CCN4: variants seen among roughly 807,000 people sequenced by gnomAD.
CCN4 encodes the protein cellular communication network factor 4.
In CCN4, 30 loss-of-function variants were observed where a neutral mutation model predicts 36.7. The ratio of observed to expected loss-of-function variants is 0.82; its 90% CI spans 0.61 to 1.11. The LOEUF is 1.11. Among genes scored for constraint, CCN4 ranks in the 50% least tolerant of loss-of-function variants. CCN4 has a pLI of 0.00. For missense variants in CCN4, 505 were observed against 504.9 expected, an observed-to-expected ratio of 1.00 and a Z score of 0.00; for synonymous variants, 191 against 195.4, an observed-to-expected ratio of 0.98 and a Z score of 0.19.
intron 1 of CCN4, among the ~76,000 whole-genome samples, chr8:133,201,139 A>G (rs888611592): frequency 6.6e-6 from 1 of 152,182 alleles, no homozygotes; most frequent in Non-Finnish European, 1.5e-5. Context: ...GGATGCTTTG[A>G]GTCCCAGGGC....
intron 2 of CCN4, among the ~76,000 whole-genome samples, chr8:133,213,852 T>C (rs1854165064): frequency 7.0e-6 from 1 of 143,408 alleles, no homozygotes; most frequent in Non-Finnish European, 1.5e-5. Flanking sequence ...ATATACACTA[T>C]ATATAGTAGT....
intron 2 of CCN4, among the ~76,000 whole-genome samples, chr8:133,215,292 G>T (rs1333761349): frequency 6.6e-6 from 1 of 152,184 alleles, no homozygotes; most frequent in Non-Finnish European, 1.5e-5. Flanking sequence ...TAAAGTTCAA[G>T]AATTGCTGCT....
In CCN4 at chr8:133,227,568, C is replaced by A. The variant is rs752050881; in HGVS notation, c.962C>A (p.Ser321Tyr). Residue 321 changes from serine to tyrosine, a missense_variant, in exon 5 of 5, where the codon TCC becomes TAC. Transcript: ENST00000250160. Reference protein sequence around the residue: ...IPYKSKTIDVSFQCPDGLGFS... With the variant: ...IPYKSKTIDVYFQCPDGLGFS... ...TACAAGTCTAAGACTATCGACGTGT[C>A]CTTCCAGTGTCCTGATGGGCTTGGC... 1 of 1,614,210 alleles carries A rather than the reference C, an allele frequency of 6.2e-7. No homozygotes were observed. The highest frequency in any genetic ancestry group is 1.1e-5 in the South Asian group (1 of 91,080).
chr8:133,227,974 C>A lies in CCN4; in HGVS notation c.*264C>A. ...TGGACTACACCCAAGCCTGATCCAG[C>A]CTTTCCAAGTCACTAGAAGTCCTGC... On this transcript the variant is annotated 3_prime_UTR_variant, in exon 5 of 5. Coordinates refer to ENST00000250160, the MANE Select transcript of CCN4 (RefSeq NM_003882.4). 2.6e-6 allele frequency: 1 copy of A among 380,562 alleles called. No homozygotes were observed. Among genetic ancestry groups the A allele is most frequent in the Non-Finnish European group, 4.7e-6 (1 of 212,798 alleles). The allele number at this position is 380,562 out of a possible 1,614,324, so 23.6% of individuals were successfully genotyped here.
chr8:133,200,318 C>T (rs1255417859), intron 1 of CCN4, among the ~76,000 whole-genome samples: 1 of 152,208 alleles, frequency 6.6e-6, no homozygotes, highest in Non-Finnish European at 1.5e-5. Context: ...AGGGCCTCTC[C>T]CCTCCAGGGA....
At chr8:133,218,371 A>T (rs933990623) in intron 2 of CCN4, among the ~76,000 whole-genome samples, 1 of 152,164 alleles carries the variant, frequency 6.6e-6, no homozygotes, top group African/African-American at 2.4e-5. Flanking sequence ...TAGCCGCAGC[A>T]AGGTTCACAC....
chr8:133,228,843 C>T lies in CCN4; in HGVS notation c.*1133C>T, dbSNP rs4265166. On this transcript the variant is annotated 3_prime_UTR_variant, in exon 5 of 5. Transcript: ENST00000250160. ...TGCAGAGACTCATTTCACAGCCTTTCGTTCTGCTGACCAAATGGCCAGTTT... is the reference window on the plus strand; with the variant it reads ...TGCAGAGACTCATTTCACAGCCTTTTGTTCTGCTGACCAAATGGCCAGTTT... 2.6e-5 allele frequency: 4 copies of T among 152,056 alleles called. No homozygotes were observed. Among genetic ancestry groups the T allele is most frequent in the Admixed American group, 1.3e-4 (2 of 15,274 alleles). 9.4% of individuals were successfully genotyped at this position (152,056 alleles called of 1,614,324 possible).
intron 2 of CCN4, among the ~76,000 whole-genome samples, chr8:133,216,505 T>C (rs1854326688): frequency 6.6e-6 from 1 of 152,222 alleles, no homozygotes. Context: ...AGAATCCAGG[T>C]ACATAGATTT....
At chr8:133,194,336 G>A (rs1286394543) in intron 1 of CCN4, among the ~76,000 whole-genome samples, 3 of 120,138 alleles carry the variant, frequency 2.5e-5, no homozygotes, top group Non-Finnish European at 3.6e-5. Context: ...TGCCTGTGTG[G>A]TGTGTGTGGG....
Position 133,191,097 on chromosome 8 carries a change from G to A in CCN4, c.-48G>A, listed in dbSNP as rs1218600881. On this transcript the variant is annotated 5_prime_UTR_variant, in exon 1 of 5. Transcript: ENST00000250160. ...GGCCCAGCTCCCCCGAGAGGTGGTC[G>A]GATCCTCTGGGCTGCTCGGTCGATG... 2.0e-5 allele frequency: 32 copies of A among 1,597,794 alleles called. No homozygotes were observed. Among genetic ancestry groups the A allele is most frequent in the East Asian group, 4.5e-5 (2 of 44,740 alleles).
At chr8:133,216,410 G>C (rs1301631371) in intron 2 of CCN4, among the ~76,000 whole-genome samples, 1 of 152,104 alleles carries the variant, frequency 6.6e-6, no homozygotes, top group African/African-American at 2.4e-5. Context: ...GCAAGCCCTG[G>C]CTTTCAGAGA....
chr8:133,204,543 A>C (rs1853699175), intron 1 of CCN4, among the ~76,000 whole-genome samples: 1 of 152,220 alleles, frequency 6.6e-6, no homozygotes. Context: ...AGAGAAACTT[A>C]AGGCGAATAT....
intron 1 of CCN4, among the ~76,000 whole-genome samples, chr8:133,191,918 G>C (rs1279053355): frequency 6.6e-6 from 1 of 152,132 alleles, no homozygotes; most frequent in Non-Finnish European, 1.5e-5. Context: ...TGCACCCCAG[G>C]GTACACCAAG....
chr8:133,224,121 G>A (rs1183708413), intron 3 of CCN4, among the ~76,000 whole-genome samples: 1 of 152,130 alleles, frequency 6.6e-6, no homozygotes, highest in Non-Finnish European at 1.5e-5. Flanking sequence ...GTGCAGGTGG[G>A]GATCCTGAGG....
chr8:133,213,769 T>C (rs1854157860), intron 2 of CCN4, among the ~76,000 whole-genome samples: 1 of 147,012 alleles, frequency 6.8e-6, no homozygotes, highest in African/African-American at 2.5e-5. Flanking sequence ...ATCTTTCTAA[T>C]GAACTTGAAG....
chr8:133,215,561 A>G (rs1288704513), intron 2 of CCN4, among the ~76,000 whole-genome samples: 1 of 151,968 alleles, frequency 6.6e-6, no homozygotes, highest in Admixed American at 6.6e-5. Context: ...GATTGTGTGA[A>G]CCCAGAAACT....
At chr8:133,195,196 GTGGTGTGTGTA>G (rs1326457286) in intron 1 of CCN4, among the ~76,000 whole-genome samples, 30 of 148,824 alleles carry the variant, frequency 2.0e-4, no homozygotes, top group African/African-American at 2.2e-4. Context: ...TGGTGTGTGT[GTGGTGTGTGTA>G]TGGTGTGTGT....
At chr8:133,212,836 C>G in intron 1 of CCN4, 28 bp from the exon 2 acceptor site, 1 of 1,507,208 alleles carries the variant, frequency 6.6e-7, no homozygotes, top group Non-Finnish European at 9.0e-7. Context: ...CTCAGCAGCC[C>G]CCCTTTCCCT....
Position 133,225,474 on chromosome 8 carries a change from T to C in CCN4, c.695T>C (p.Leu232Pro). 1.2e-6 allele frequency: 2 copies of C among 1,614,058 alleles called. No individual in the cohort carries two copies. Among genetic ancestry groups the C allele is most frequent in the East Asian group, 4.5e-5 (2 of 44,880 alleles). ...AGCCCTTGCTCCACCAGCTGCGGCC[T>C]GGGGGTCTCCACTCGGATCTCCAAT... Reference protein sequence around the residue: ...PWSPCSTSCGLGVSTRISNVN... With the variant: ...PWSPCSTSCGPGVSTRISNVN... Residue 232 changes from leucine (L) to proline (P), a missense_variant, in exon 4 of 5, where the codon CTG (leucine) becomes CCG (proline). Coordinates refer to ENST00000250160, the MANE Select transcript of CCN4 (RefSeq NM_003882.4).
Sources: allele counts gnomAD v4.1 joint callset (sites outside exome capture counted in the v4.1 genomes callset), GRCh38; gene constraint gnomAD v4.1.1; transcripts MANE v1.5; gene names NCBI Gene and HGNC (gene_info 2026-07-23, HGNC 2026-07-21).